SULT1C3: variants seen among roughly 807,000 people sequenced by gnomAD.
The protein encoded by SULT1C3 is sulfotransferase family 1C member 3, also known as sulfotransferase 1C3.
Under a neutral mutation model 28.4 loss-of-function variants are expected in SULT1C3, and 31 were observed. That is an observed-to-expected ratio of 1.09 (90% confidence interval 0.82 to 1.47). SULT1C3 has a LOEUF of 1.47. Ranked by LOEUF, SULT1C3 falls within the 40% of genes most tolerant of loss-of-function variation. SULT1C3 has a pLI of 0.00. For missense variants in SULT1C3, 307 were observed against 272.5 expected (o/e 1.13, Z -0.89); for synonymous variants, 106 against 92.2 (o/e 1.15, Z -0.86).
chr2:108,243,058 C>CA (rs918053875), intron 1 of SULT1C3, among the ~76,000 whole-genome samples: 2 of 152,100 alleles, frequency 1.3e-5, no homozygotes, highest in African/African-American at 4.8e-5. Flanking sequence ...TTCAATTTTA[C>CA]AAAAAGTAAC....
At chr2:108,258,167 A>G (rs921054509) in intron 5 of SULT1C3, among the ~76,000 whole-genome samples, 2 of 152,104 alleles carry the variant, frequency 1.3e-5, no homozygotes, top group Non-Finnish European at 2.9e-5. Flanking sequence ...GTTACAACCT[A>G]TCAGGGACAC....
intron 6 of SULT1C3, 45 bp from the exon 7 acceptor site, chr2:108,258,921 T>C (rs773750218): frequency 2.2e-6 from 2 of 915,068 alleles, no homozygotes; most frequent in Admixed American, 4.4e-5. Context: ...GCCAAGTTCT[T>C]CTTCTTTCCT....
Position 108,259,096 on chromosome 2 carries a change from C to A in SULT1C3, c.752C>A (p.Ala251Glu), listed in dbSNP as rs565675627. Residue 251 changes from alanine to glutamate, a missense_variant, in exon 7 of 8, where the codon GCG becomes GAG. Transcript: ENST00000681802. ...GATAATCCCATGGCCAACCATACTG[C>A]GGTACCTGCTCACATATTCAATCAC... ...MKDNPMANHT[A>E]VPAHIFNHSI... The A allele has an allele frequency of 1.0e-5, 6 of 577,702 alleles. No homozygotes were observed. Among genetic ancestry groups the A allele is most frequent in the Admixed American group, 4.8e-5 (2 of 41,912 alleles). 35.8% of individuals were successfully genotyped at this position (577,702 alleles called of 1,614,324 possible).
chr2:108,247,156 A>T (rs781307580), intron 1 of SULT1C3, 32 bp from the exon 2 acceptor site: 3 of 1,393,096 alleles, frequency 2.2e-6, no homozygotes, highest in Non-Finnish European at 1.9e-6. Flanking sequence ...ATTTTTAAAA[A>T]TTTTAATTAG....
chr2:108,241,754 C>T (rs571440181), intron 1 of SULT1C3, among the ~76,000 whole-genome samples: 5 of 152,054 alleles, frequency 3.3e-5, no homozygotes, highest in East Asian at 1.9e-4. Context: ...GGTGAAACTC[C>T]GCCTCTAGTA....
At chr2:108,241,650 G>A (rs1239092378) in intron 1 of SULT1C3, among the ~76,000 whole-genome samples, 2 of 152,188 alleles carry the variant, frequency 1.3e-5, no homozygotes, top group African/African-American at 2.4e-5. Context: ...GACTGGGACA[G>A]GTCGTGGTGG....
chr2:108,263,485 G>A (rs1288356441), downstream of SULT1C3, among the ~76,000 whole-genome samples: 1 of 152,196 alleles, frequency 6.6e-6, no homozygotes, highest in Non-Finnish European at 1.5e-5. Context: ...TATTTATCAT[G>A]AGAATTGTAG....
intron 1 of SULT1C3, among the ~76,000 whole-genome samples, chr2:108,245,591 G>A (rs946090122): frequency 2.0e-5 from 3 of 152,106 alleles, no homozygotes; most frequent in Non-Finnish European, 4.4e-5. Flanking sequence ...AGGGTAACAC[G>A]GTTGTAGTAG....
In SULT1C3 at chr2:108,259,147, G is replaced by A; in HGVS notation, c.802+1G>A. 1 of 380,396 alleles carries A rather than the reference G, an allele frequency of 2.6e-6. No homozygotes were observed. Among genetic ancestry groups the A allele is most frequent in the South Asian group, 3.6e-5 (1 of 28,052 alleles). 23.6% of individuals were successfully genotyped at this position (380,396 alleles called of 1,614,324 possible). A position where few individuals can be genotyped will look rare whatever the true frequency, so the allele number is the denominator to read the frequency against. ...TCCATCTCAAAATTTATGAGGAAAGGTTGGTGGCATTTCTTTTCCTTAACT... is the reference window on the plus strand; with the variant it reads ...TCCATCTCAAAATTTATGAGGAAAGATTGGTGGCATTTCTTTTCCTTAACT... On this transcript the variant is annotated splice_donor_variant, in intron 7 of 7. Transcript: ENST00000681802. LOFTEE classifies it high-confidence loss of function.
chr2:108,247,310 T>C lies in SULT1C3; in HGVS notation c.116T>C (p.Val39Ala). Reference protein sequence around the residue: ...LILSKEWWEKVCNFQAKPDDL... With the variant: ...LILSKEWWEKACNFQAKPDDL... The stretch of plus-strand genomic sequence containing the variant: ...TTATCAAAAGAATGGTGGGAAAAAG[T>C]ATGTAATTTCCAAGCCAAGCCTGAT... Residue 39 changes from valine (V) to alanine (A), a missense_variant, in exon 2 of 8, where the codon GTA (valine) becomes GCA (alanine). Coordinates refer to ENST00000681802, the MANE Select transcript of SULT1C3 (RefSeq NM_001320878.2). The C allele has an allele frequency of 6.3e-7, 1 of 1,598,556 alleles. No homozygotes were observed. The highest frequency in any genetic ancestry group is 8.5e-7 in the Non-Finnish European group (1 of 1,171,376).
intron 7 of SULT1C3, 124 bp from the exon 8 acceptor site, chr2:108,260,444 G>A (rs1675992718): frequency 2.9e-6 from 1 of 341,564 alleles, no homozygotes; most frequent in East Asian, 7.5e-5. Flanking sequence ...AGACCAGAGG[G>A]AGTGGGACTG....
chr2:108,240,111 A>C (rs1456116261), intron 1 of SULT1C3, among the ~76,000 whole-genome samples, 28 bp downstream of exon 1: 1 of 152,184 alleles, frequency 6.6e-6, no homozygotes, highest in Non-Finnish European at 1.5e-5. Flanking sequence ...AGAGACTCTC[A>C]TCCTAGTGTC....
Position 108,254,843 on chromosome 2 carries a change from G to GTA in SULT1C3, c.400-720_400-719dup, listed in dbSNP as rs890469160. On this transcript the variant is annotated intron_variant, in intron 4 of 7. Transcript: ENST00000681802. ...TGTATATATACACATATATATGTGTGTATATATATAGCAAAATCACTCAAA... is the reference window on the plus strand; with the variant it reads ...TGTATATATACACATATATATGTGTGTATATATATATAGCAAAATCACTCAAA... Among the ~76,000 whole-genome samples the GTA allele has an allele frequency of 3.1e-4, 47 of 151,094 alleles. 1 individual carries two copies. The highest frequency in any genetic ancestry group is 6.3e-4 in the South Asian group (3 of 4,774).
intron 4 of SULT1C3, among the ~76,000 whole-genome samples, chr2:108,254,734 T>A (rs1489235546): frequency 2.0e-5 from 3 of 150,730 alleles, no homozygotes; most frequent in Non-Finnish European, 3.0e-5. Context: ...TATGTATATA[T>A]GTATGTATGC....
chr2:108,263,645 A>T (rs548305640), downstream of SULT1C3, among the ~76,000 whole-genome samples: 1 of 152,134 alleles, frequency 6.6e-6, no homozygotes, highest in Non-Finnish European at 1.5e-5. Flanking sequence ...ACCTGCTGAA[A>T]CATTTAGTCT....
downstream of SULT1C3, among the ~76,000 whole-genome samples, chr2:108,261,730 AACAATATACATAGCTCCCAGT>A (rs1676031284): frequency 6.6e-6 from 1 of 152,134 alleles, no homozygotes; most frequent in African/African-American, 2.4e-5. Context: ...GGGAATCAGG[AACAATATACATAGCTCCCAGT>A]ACACAGAGCA....
In SULT1C3 at chr2:108,255,579, A is replaced by C. The variant is rs1477606303; in HGVS notation, c.407A>C (p.Tyr136Ser). 7 of 1,611,034 alleles carry C rather than the reference A, an allele frequency of 4.3e-6. 1 individual carries two copies. The highest frequency in any genetic ancestry group is 5.9e-6 in the Non-Finnish European group (7 of 1,178,226). ...SIWKENCKIV[Y>S]VARNPKDCLV... Reference sequence around the variant, plus strand: ...CCCTCTCCTTGATTTCAGATTGTCTATGTGGCCAGAAATCCCAAGGATTGC... The same window carrying C: ...CCCTCTCCTTGATTTCAGATTGTCTCTGTGGCCAGAAATCCCAAGGATTGC... The change falls in exon 5 of 8, where the codon TAT becomes TCT. Residue 136 changes from tyrosine (Y) to serine (S), a missense_variant. Tyr to Ser is a moderately radical substitution (Grantham distance 144). Transcript: ENST00000681802.
In SULT1C3 at chr2:108,253,425, T is replaced by G. The variant is rs762872514; in HGVS notation, c.382T>G (p.Trp128Gly). The change falls in exon 4 of 8, where the codon TGG becomes GGG. Residue 128 changes from tryptophan to glycine, a missense_variant. Trp to Gly is a radical substitution (Grantham distance 184). Coordinates refer to ENST00000681802, the MANE Select transcript of SULT1C3 (RefSeq NM_001320878.2). ...LPSHLIPPSI[W>G]KENCKIVYVA... ...TTCACATCTGATTCCACCATCTATC[T>G]GGAAAGAAAACTGCAAGGTATAAAG... The G allele has an allele frequency of 6.4e-7, 1 of 1,552,328 alleles. No individual in the cohort carries two copies.
chr2:108,243,263 G>C (rs1242046302), intron 1 of SULT1C3, among the ~76,000 whole-genome samples: 1 of 152,122 alleles, frequency 6.6e-6, no homozygotes, highest in African/African-American at 2.4e-5. Context: ...CTGGGGACAG[G>C]CTTCACCAAC....
Sources: allele counts gnomAD v4.1 joint callset (sites outside exome capture counted in the v4.1 genomes callset), GRCh38; gene constraint gnomAD v4.1.1; transcripts MANE v1.5; gene names NCBI Gene and HGNC (gene_info 2026-07-23, HGNC 2026-07-21).